The following CLYBL variants were observed in gnomAD, a reference collection of about 807,000 sequenced individuals.
CLYBL encodes citramalyl-CoA lyase.
Under a neutral mutation model 38.9 loss-of-function variants are expected in CLYBL, and 31 were observed. That is an observed-to-expected ratio of 0.80 (90% CI 0.60 to 1.08). The LOEUF is 1.08. CLYBL is among the 50% of genes least tolerant of loss of function. The pLI is 0.00. For missense variants in CLYBL, 434 were observed against 411.6 expected, an observed-to-expected ratio of 1.05 and a Z score of -0.47; for synonymous variants, 171 against 158.6, an observed-to-expected ratio of 1.08 and a Z score of -0.59.
chr13:99,861,185 T>C (rs2051592842), intron 3 of CLYBL, among the ~76,000 whole-genome samples: 1 of 152,140 alleles, frequency 6.6e-6, no homozygotes, highest in Admixed American at 6.6e-5. Context: ...ACTTCTCCAC[T>C]AGTTACCTTT....
chr13:99,735,496 T>A (rs1438741578), intron 1 of CLYBL, among the ~76,000 whole-genome samples: 1 of 139,434 alleles, frequency 7.2e-6, no homozygotes, highest in East Asian at 2.0e-4. Flanking sequence ...ACACCCAGCA[T>A]TTTTTTTTTT....
At chr13:99,847,432 C>T (rs922412959) in intron 2 of CLYBL, among the ~76,000 whole-genome samples, 2 of 152,178 alleles carry the variant, frequency 1.3e-5, no homozygotes, top group Admixed American at 6.5e-5. Context: ...TCCTCTAACC[C>T]GGAGAAGTGG....
rs775220789 is a variant in CLYBL, at chr13:99,797,556, C to CTCTGTGTGTGTGTG, written c.249+24547_249+24548insCTGTGTGTGTGTGT. Among the ~76,000 whole-genome samples the CTCTGTGTGTGTGTG allele has an allele frequency of 2.4e-4, 9 of 37,514 alleles. No individual in the cohort carries two copies. In the East Asian group the frequency reaches 5.8e-3, roughly 24 times the overall value. 24.6% of individuals were successfully genotyped at this position (37,514 alleles called of 152,430 possible). ...AAGATTTCTGTGTCTGCCATGTTAG[C>CTCTGTGTGTGTGTG]TGTTTGTGTGTGTGTGTGTGTGTGT... On this transcript the variant is annotated intron_variant, in intron 2 of 8. Coordinates refer to ENST00000339105, the MANE Select transcript of CLYBL (RefSeq NM_206808.5).
At chr13:99,712,376 G>T (rs1194582764) in intron 1 of CLYBL, among the ~76,000 whole-genome samples, 2 of 142,960 alleles carry the variant, frequency 1.4e-5, no homozygotes, top group Admixed American at 1.5e-4. Context: ...GCTCTATAGC[G>T]CAGGCTAGAA....
intron 2 of CLYBL, among the ~76,000 whole-genome samples, chr13:99,855,907 C>T (rs538441060): frequency 2.0e-5 from 3 of 152,138 alleles, no homozygotes; most frequent in East Asian, 1.9e-4. Context: ...AAGCAACAGC[C>T]GGTTAATAAG....
chr13:99,612,386 C>T (rs1354100912), intron 1 of CLYBL, among the ~76,000 whole-genome samples: 4 of 112,344 alleles, frequency 3.6e-5, no homozygotes, highest in Non-Finnish European at 3.4e-5. Flanking sequence ...GACCTTTCTA[C>T]TTTTTTTTTT....
Position 99,716,169 on chromosome 13 carries a change from A to ATTTTTTTTTTTTTTTTTTTTTTTTTTTTT in CLYBL, c.63-56645_63-56617dup, listed in dbSNP as rs4001024. Among the ~76,000 whole-genome samples the ATTTTTTTTTTTTTTTTTTTTTTTTTTTTT allele has an allele frequency of 2.1e-4, 7 of 33,434 alleles. 3 individuals are homozygous for ATTTTTTTTTTTTTTTTTTTTTTTTTTTTT. The highest frequency in any genetic ancestry group is 4.3e-4 in the Non-Finnish European group (7 of 16,382). The allele number at this position is 33,434 out of a possible 152,430, so 21.9% of individuals were successfully genotyped here. ...AAATTGTCCTTGCTTTATTGGTGTAATTTTTTTTTTTTTTTTTTTTTTTTT... is the reference window on the plus strand; with the variant it reads ...AAATTGTCCTTGCTTTATTGGTGTAATTTTTTTTTTTTTTTTTTTTTTTTTTTTTTTTTTTTTTTTTTTTTTTTTTTTTT... On this transcript the variant is annotated intron_variant, in intron 1 of 8. Transcript: ENST00000339105.
chr13:99,854,073 G>C (rs1321137986), intron 2 of CLYBL, among the ~76,000 whole-genome samples: 2 of 152,094 alleles, frequency 1.3e-5, no homozygotes, highest in African/African-American at 4.8e-5. Context: ...AATATTCATT[G>C]TACTTTTCTT....
chr13:99,902,003 A>G (rs1008079670), downstream of CLYBL, among the ~76,000 whole-genome samples: 10 of 152,218 alleles, frequency 6.6e-5, no homozygotes, highest in African/African-American at 2.4e-4. Flanking sequence ...TATGTAAGTC[A>G]TAAGGAAGAT....
chr13:99,762,553 G>C (rs2138742442), intron 1 of CLYBL, among the ~76,000 whole-genome samples: 1 of 152,278 alleles, frequency 6.6e-6, no homozygotes, highest in African/African-American at 2.4e-5. Flanking sequence ...CGGGTACCAT[G>C]CTGATTTGGT....
chr13:99,783,394 C>G (rs1025765040), intron 2 of CLYBL, among the ~76,000 whole-genome samples: 4 of 151,510 alleles, frequency 2.6e-5, no homozygotes, highest in African/African-American at 9.7e-5. Flanking sequence ...TCTGGAAGTT[C>G]TATTTGGTTC....
In CLYBL at chr13:99,688,042, C is replaced by G. The variant is rs1456932688; in HGVS notation, c.62+81285C>G. ...ATCTGAGTAGCTAGAAAGAGAGAAACTTGTTAAAGACAGTCAATCTGTTTG... is the reference window on the plus strand; with the variant it reads ...ATCTGAGTAGCTAGAAAGAGAGAAAGTTGTTAAAGACAGTCAATCTGTTTG... On this transcript the variant is annotated intron_variant, in intron 1 of 8. Transcript: ENST00000339105. Among the ~76,000 whole-genome samples, 3 of 152,160 alleles carry G rather than the reference C, an allele frequency of 2.0e-5. No individual in the cohort carries two copies. In the East Asian group the frequency reaches 5.8e-4, roughly 29 times the overall value.
intron 1 of CLYBL, among the ~76,000 whole-genome samples, chr13:99,772,088 G>A (rs1043504545): frequency 6.6e-6 from 1 of 152,028 alleles, no homozygotes; most frequent in Admixed American, 6.5e-5. Flanking sequence ...GCAGGGCAAG[G>A]GCCATAGACT....
At chr13:99,901,645 GTTTTTTTTT>G (rs57853480), downstream of CLYBL, among the ~76,000 whole-genome samples, 7 of 127,196 alleles carry the variant, frequency 5.5e-5, no homozygotes, top group African/African-American at 2.1e-4. Context: ...GGATTTTTTT[GTTTTTTTTT>G]TTTGTTTGTT....
chr13:99,852,706 A>T (rs1387983975), intron 2 of CLYBL, among the ~76,000 whole-genome samples: 9 of 143,192 alleles, frequency 6.3e-5, no homozygotes. Flanking sequence ...AGCTCCAAAA[A>T]TTGTCAGTGT....
chr13:99,854,570 G>T (rs778296268), intron 2 of CLYBL, among the ~76,000 whole-genome samples: 1 of 151,966 alleles, frequency 6.6e-6, no homozygotes, highest in Non-Finnish European at 1.5e-5. Context: ...AGACTGTGCC[G>T]CCCTGCCGCG....
chr13:99,614,702 A>C (rs1274497044), intron 1 of CLYBL, among the ~76,000 whole-genome samples: 1 of 152,004 alleles, frequency 6.6e-6, no homozygotes, highest in Non-Finnish European at 1.5e-5. Flanking sequence ...GTAGAGTTTT[A>C]CCGTGGACCA....
intron 1 of CLYBL, among the ~76,000 whole-genome samples, chr13:99,765,827 G>A (rs1002857896): frequency 1.3e-5 from 2 of 151,004 alleles, no homozygotes; most frequent in Admixed American, 6.6e-5. Flanking sequence ...TTACAGGCAT[G>A]AGCCACTGCA....
intron 1 of CLYBL, among the ~76,000 whole-genome samples, chr13:99,769,642 C>T (rs772706684): frequency 1.3e-5 from 2 of 152,194 alleles, no homozygotes; most frequent in Non-Finnish European, 2.9e-5. Flanking sequence ...ATATTTCAGG[C>T]AGTCTTCAAT....
Sources: allele counts gnomAD v4.1 joint callset (sites outside exome capture counted in the v4.1 genomes callset), GRCh38; gene constraint gnomAD v4.1.1; transcripts MANE v1.5; gene names NCBI Gene and HGNC (gene_info 2026-07-23, HGNC 2026-07-21).